USP45: variants seen among roughly 807,000 people sequenced by gnomAD.
USP45 encodes the protein ubiquitin specific peptidase 45.
USP45 carries 89 observed loss-of-function variants against 95.8 expected under a neutral mutation model. The ratio of observed to expected loss-of-function variants is 0.93; its 90% CI spans 0.78 to 1.11. The LOEUF (loss-of-function observed/expected upper bound fraction) is 1.11, where lower values mean the gene tolerates loss of function less well. USP45 is among the 50% of genes least tolerant of loss of function. USP45 has a pLI of 0.00. For synonymous variants in USP45, 281 were observed against 316.2 expected (o/e 0.89, Z 1.18); for missense variants, 898 against 942.5 (o/e 0.95, Z 0.62).
chr6:99,458,139 A>G (rs1005669717), intron 13 of USP45, among the ~76,000 whole-genome samples: 6 of 151,260 alleles, frequency 4.0e-5, no homozygotes, highest in Admixed American at 3.3e-4. Flanking sequence ...TCCTGCCTCA[A>G]CCTCCCAAGG....
intron 8 of USP45, among the ~76,000 whole-genome samples, chr6:99,476,824 A>G (rs1790995786): frequency 6.6e-6 from 1 of 152,228 alleles, no homozygotes; most frequent in Non-Finnish European, 1.5e-5. Context: ...TCTATTTCAT[A>G]TAAAGGACTA....
At position 99,439,329 on chromosome 6, in the gene USP45, C is replaced by T. The variant is rs144605970; in HGVS notation, c.2160+440G>A. Among the ~76,000 whole-genome samples the T allele has an allele frequency of 3.7e-3, 567 of 152,310 alleles. 1 individual carries two copies. Among genetic ancestry groups the T allele is most frequent in the Middle Eastern group, 0.01 (3 of 294 alleles). On this transcript the variant is annotated intron_variant, in intron 16 of 17. Coordinates refer to ENST00000500704, the MANE Select transcript of USP45 (RefSeq NM_001346022.3). ...AGCAGCAGTTTTGAAGTATCACACT[C>T]CGCTGACAAGTACACCACTCTCAGT...
chr6:99,461,851 TCACTA>T, intron 13 of USP45: 2 of 983,630 alleles, frequency 2.0e-6, no homozygotes, highest in Non-Finnish European at 2.4e-6. Context: ...ATTAACAGCT[TCACTA>T]ATCAGCAAAA....
chr6:99,476,543 A>G (rs1790915645), intron 8 of USP45, among the ~76,000 whole-genome samples: 1 of 152,228 alleles, frequency 6.6e-6, no homozygotes, highest in Non-Finnish European at 1.5e-5. Flanking sequence ...TTAGGGTGTG[A>G]TCTTAAGTGT....
Position 99,435,594 on chromosome 6 carries a change from G to T in USP45, c.*122C>A. 5.1e-6 allele frequency: 4 copies of T among 788,936 alleles called. No homozygotes were observed. Among genetic ancestry groups the T allele is most frequent in the African/African-American group, 1.8e-5 (1 of 56,298 alleles). The allele number at this position is 788,936 out of a possible 1,614,324, so 48.9% of individuals were successfully genotyped here. ...TTCACCAAAATGGTGAAAAAGTTCA[G>T]GACCATTTGAGGAACATGCTATTCC... On this transcript the variant is annotated 3_prime_UTR_variant, in exon 18 of 18. Coordinates refer to ENST00000500704, the MANE Select transcript of USP45 (RefSeq NM_001346022.3).
chr6:99,483,567 G>A (rs1472947758), intron 7 of USP45, among the ~76,000 whole-genome samples: 3 of 152,152 alleles, frequency 2.0e-5, no homozygotes, highest in East Asian at 1.9e-4. Context: ...GGCCGGGCGC[G>A]GTGGCTCACG....
chr6:99,465,118 G>C lies in USP45; in HGVS notation c.1126C>G (p.Pro376Ala), dbSNP rs537392808. Residue 376 changes from proline to alanine, a missense_variant, in exon 12 of 18, where the codon CCA becomes GCA. Physicochemically the swap from Pro to Ala is conservative, Grantham distance 27. Coordinates refer to ENST00000500704, the MANE Select transcript of USP45 (RefSeq NM_001346022.3). ...ECANISTVKDPFIDISLPIIE... is the reference protein window; with the variant it reads ...ECANISTVKDAFIDISLPIIE... Reference sequence around the variant, plus strand: ...ATAGGAAGTGAAATATCAATGAATGGATCTTTCACCGTGGAGATCTTAAAA... The same window carrying C: ...ATAGGAAGTGAAATATCAATGAATGCATCTTTCACCGTGGAGATCTTAAAA... 2.5e-6 allele frequency: 4 copies of C among 1,593,938 alleles called. No individual in the cohort carries two copies. The highest frequency in any genetic ancestry group is 3.4e-6 in the Non-Finnish European group (4 of 1,168,068).
chr6:99,490,151 C>T (rs1794844181), intron 5 of USP45, among the ~76,000 whole-genome samples: 1 of 151,918 alleles, frequency 6.6e-6, no homozygotes, highest in Admixed American at 6.6e-5. Context: ...CTTTTAAATT[C>T]CTTTCAGCCC....
Position 99,439,817 on chromosome 6 carries a change from A to C in USP45, c.2112T>G (p.Asp704Glu). 6.2e-7 allele frequency: 1 copy of C among 1,608,460 alleles called. No individual in the cohort carries two copies. The highest frequency in any genetic ancestry group is 8.5e-7 in the Non-Finnish European group (1 of 1,176,910). ...GTGCTAAATCGAGCATAAGTGGAAAATCTACATGTCTGTTTACTTTACGAA... is the reference window on the plus strand; with the variant it reads ...GTGCTAAATCGAGCATAAGTGGAAACTCTACATGTCTGTTTACTTTACGAA... ...LSLRKVNRHV[D>E]FPLMLDLAPF... Residue 704 changes from aspartate to glutamate, a missense_variant, in exon 16 of 18, where the codon GAT becomes GAG. Coordinates refer to ENST00000500704, the MANE Select transcript of USP45 (RefSeq NM_001346022.3).
chr6:99,433,543 C>T lies in USP45; in HGVS notation c.*2173G>A, dbSNP rs183755122. ...TTACAAAAGCTATCTTTAGGAAATT[C>T]TTAAGTATCAAAAATCCAATTTATT... On this transcript the variant is annotated 3_prime_UTR_variant, in exon 18 of 18. Coordinates refer to ENST00000500704, the MANE Select transcript of USP45 (RefSeq NM_001346022.3). 1 of 152,482 alleles carries T rather than the reference C, an allele frequency of 6.6e-6. No individual in the cohort carries two copies. The highest frequency in any genetic ancestry group is 1.9e-4 in the East Asian group (1 of 5,180). 9.4% of individuals were successfully genotyped at this position (152,482 alleles called of 1,614,324 possible). A position where few individuals can be genotyped will look rare whatever the true frequency, so the allele number is the denominator to read the frequency against.
chr6:99,489,500 T>C (rs1188448913), intron 5 of USP45, among the ~76,000 whole-genome samples: 1 of 152,218 alleles, frequency 6.6e-6, no homozygotes, highest in Non-Finnish European at 1.5e-5. Context: ...TGTATTATTC[T>C]TGCAACATTT....
intron 13 of USP45, among the ~76,000 whole-genome samples, chr6:99,458,818 G>A (rs1391105643): frequency 6.6e-6 from 1 of 152,096 alleles, no homozygotes; most frequent in Non-Finnish European, 1.5e-5. Flanking sequence ...GACTGTTCGT[G>A]GCAGAAGAGA....
intron 13 of USP45, among the ~76,000 whole-genome samples, chr6:99,446,714 A>G (rs1440478469): frequency 1.3e-5 from 2 of 152,228 alleles, no homozygotes; most frequent in Admixed American, 6.5e-5. Context: ...CTTTTGTAGA[A>G]CAGGGCTATG....
intron 16 of USP45, among the ~76,000 whole-genome samples, chr6:99,438,316 A>G (rs1780885965): frequency 1.3e-5 from 2 of 152,194 alleles, no homozygotes; most frequent in African/African-American, 4.8e-5. Context: ...AGGGGAGATG[A>G]AAATATACAT....
intron 13 of USP45, among the ~76,000 whole-genome samples, chr6:99,451,979 G>A (rs1339737615): frequency 6.6e-6 from 1 of 152,192 alleles, no homozygotes; most frequent in East Asian, 1.9e-4. Flanking sequence ...CTAGCCATAT[G>A]TAGAAAGCTG....
chr6:99,495,595 A>G (rs1234822258), intron 5 of USP45, among the ~76,000 whole-genome samples: 1 of 152,232 alleles, frequency 6.6e-6, no homozygotes, highest in Non-Finnish European at 1.5e-5. Context: ...GTCTAGCTTC[A>G]GAATTCACAC....
chr6:99,475,467 T>C lies in USP45; in HGVS notation c.933+676A>G, dbSNP rs549165296. On this transcript the variant is annotated intron_variant, in intron 9 of 17. Coordinates refer to ENST00000500704, the MANE Select transcript of USP45 (RefSeq NM_001346022.3). ...AGTAGCTAGGATTACAGGCACACGC[T>C]ACCACACCTGGCTAATTTTTGTATT... 2.8e-4 allele frequency among the ~76,000 whole-genome samples: 43 copies of C among 151,808 alleles called. No individual in the cohort carries two copies. The South Asian group carries it at 8.1e-3, about 29-fold the overall frequency.
At position 99,434,926 on chromosome 6, in the gene USP45, A is replaced by G. The variant is rs1010945877; in HGVS notation, c.*790T>C. 5 of 152,226 alleles carry G rather than the reference A, an allele frequency of 3.3e-5. No homozygotes were observed. Among genetic ancestry groups the G allele is most frequent in the African/African-American group, 9.6e-5 (4 of 41,456 alleles). The allele number at this position is 152,226 out of a possible 1,614,324, so 9.4% of individuals were successfully genotyped here. A position where few individuals can be genotyped will look rare whatever the true frequency, so the allele number is the denominator to read the frequency against. On this transcript the variant is annotated 3_prime_UTR_variant, in exon 18 of 18. Transcript: ENST00000500704. ...CCACCATGAAGAGGGTGCAAGAGAT[A>G]TGTTTATGAAATGCCTCAATATAAT...
At chr6:99,445,607 TTAAA>T (rs1241462493) in intron 14 of USP45, among the ~76,000 whole-genome samples, 186 bp downstream of exon 14, 14 of 152,288 alleles carry the variant, frequency 9.2e-5, no homozygotes, top group Admixed American at 2.6e-4. Flanking sequence ...TGCTCTTTAT[TTAAA>T]TAAAAAAACT....
Sources: gnomAD v4.1 joint callset for allele counts (sites outside exome capture counted in the v4.1 genomes callset) on GRCh38, gnomAD v4.1.1 for gene constraint, MANE v1.5 for transcripts, NCBI Gene and HGNC (gene_info 2026-07-23, HGNC 2026-07-21) for gene names.